Variants in GTF3C2 observed in about 807,000 individuals in gnomAD.
GTF3C2 encodes the protein general transcription factor 3C polypeptide 2.
GTF3C2 carries 17 observed loss-of-function variants against 117.4 expected under a neutral mutation model. The observed-to-expected ratio is 0.14, with a 90% confidence interval of 0.10 to 0.22. GTF3C2 has a LOEUF of 0.22. Among genes scored for constraint, GTF3C2 ranks in the 10% least tolerant of loss-of-function variants. The pLI is 1.00. For synonymous variants in GTF3C2, 437 were observed against 427.0 expected (o/e 1.02, Z -0.29); for missense variants, 888 against 1,143.6 (o/e 0.78, Z 3.22).
chr2:27,327,972 C>T (rs1414574314), intron 17 of GTF3C2, 65 bp downstream of exon 17: 10 of 1,373,628 alleles, frequency 7.3e-6, no homozygotes, highest in Non-Finnish European at 1.0e-5. Context: ...GGCTTGCGTA[C>T]TATACAAAGA....
At chr2:27,355,822 AT>A (rs1681353746) in intron 1 of GTF3C2, among the ~76,000 whole-genome samples, 1 of 152,202 alleles carries the variant, frequency 6.6e-6, no homozygotes, top group South Asian at 2.1e-4. Flanking sequence ...ATGCAAGATG[AT>A]TTTAATGGTA....
chr2:27,342,016 G>C (rs1680752365), exon 4 of GTF3C2: 1 of 1,613,974 alleles, frequency 6.2e-7, no homozygotes, highest in Non-Finnish European at 8.5e-7. Flanking sequence ...CTCTCACTTG[G>C]GCCCTCACTT....
At chr2:27,333,035 T>C (rs1313011996) in intron 12 of GTF3C2, among the ~76,000 whole-genome samples, 1 of 152,056 alleles carries the variant, frequency 6.6e-6, no homozygotes, top group Non-Finnish European at 1.5e-5. Context: ...TTTTTAATGA[T>C]GAGGTCTCAC....
In GTF3C2 at chr2:27,337,910, T is replaced by A; in HGVS notation, c.950+16A>T. On this transcript the variant is annotated intron_variant, in intron 5 of 18. Transcript: ENST00000264720. ...CACCCCTTTATTAACCCCAGCCCCC[T>A]GTCCCCAAGTCTCACAAGTCCTTGG... The A allele has an allele frequency of 6.8e-7, 1 of 1,477,020 alleles. No homozygotes were observed. The highest frequency in any genetic ancestry group is 9.5e-7 in the Non-Finnish European group (1 of 1,054,676). The allele number at this position is 1,477,020 out of a possible 1,614,324, so 91.5% of individuals were successfully genotyped here. A position where few individuals can be genotyped will look rare whatever the true frequency, so the allele number is the denominator to read the frequency against.
chr2:27,341,571 T>G (rs1680731645), intron 4 of GTF3C2: 1 of 181,700 alleles, frequency 5.5e-6, no homozygotes, highest in Non-Finnish European at 1.2e-5. Context: ...CAAGAAGCAA[T>G]TCAACTATCA....
chr2:27,356,072 G>C (rs557692518), intron 1 of GTF3C2: 1 of 1,284,566 alleles, frequency 7.8e-7, no homozygotes, highest in East Asian at 5.6e-5. Flanking sequence ...CTGGAACAAA[G>C]AGGTTTGTCC....
At chr2:27,353,371 G>A (rs1241733844) in intron 1 of GTF3C2, among the ~76,000 whole-genome samples, 3 of 133,528 alleles carry the variant, frequency 2.2e-5, no homozygotes, top group African/African-American at 5.9e-5. Flanking sequence ...GACAGAGCTA[G>A]ACTCCGTCTC....
At position 27,350,482 on chromosome 2, in the gene GTF3C2, CTT is replaced by C. The variant is rs924049821; in HGVS notation, c.-25+6255_-25+6256del. 5.7e-5 allele frequency: 56 copies of C among 985,584 alleles called. No homozygotes were observed. The African/African-American group carries it at 8.9e-4, about 16-fold the overall frequency. 61.1% of individuals were successfully genotyped at this position (985,584 alleles called of 1,614,324 possible). ...GTGCTTATCAAACTGGGAAGGTGCT[CTT>C]ATTTACAGCTGCTGGCTCAAGAATC... is the stretch of plus-strand genomic sequence containing the variant. On this transcript the variant is annotated intron_variant, in intron 1 of 18. Coordinates refer to ENST00000264720, the Ensembl canonical transcript of GTF3C2.
intron 12 of GTF3C2, among the ~76,000 whole-genome samples, chr2:27,332,576 G>C (rs1207757620): frequency 2.5e-4 from 38 of 151,438 alleles, no homozygotes; most frequent in Non-Finnish European, 1.5e-5. Flanking sequence ...CACCACGCCC[G>C]GGGAATTTTT....
In GTF3C2 at chr2:27,337,463, G is replaced by T; in HGVS notation, c.1028+18C>A. ...GGTGTCACCCTTCCTAAGCTACAGA[G>T]ATGTTGCTTCAACTTACAGCTCAGA... On this transcript the variant is annotated intron_variant, in intron 6 of 18. Transcript: ENST00000264720. 1 of 1,567,854 alleles carries T rather than the reference G, an allele frequency of 6.4e-7. No homozygotes were observed. Among genetic ancestry groups the T allele is most frequent in the Non-Finnish European group, 8.8e-7 (1 of 1,137,774 alleles).
At chr2:27,348,798 G>A (rs917717315) in intron 1 of GTF3C2, among the ~76,000 whole-genome samples, 9 of 152,028 alleles carry the variant, frequency 5.9e-5, no homozygotes, top group Non-Finnish European at 1.2e-4. Context: ...TATCTCAAAA[G>A]AAAAAATAAT....
chr2:27,355,281 A>G (rs995392017), intron 1 of GTF3C2, among the ~76,000 whole-genome samples: 3 of 152,046 alleles, frequency 2.0e-5, no homozygotes, highest in African/African-American at 4.8e-5. Flanking sequence ...CCAGCACTTT[A>G]GGAGGCCGAG....
exon 2 of GTF3C2, chr2:27,343,479 G>C (rs772745624): frequency 5.0e-6 from 8 of 1,613,962 alleles, no homozygotes; most frequent in Non-Finnish European, 6.8e-6. Flanking sequence ...TCTTGTCCAG[G>C]AGAGTCTACC....
intron 1 of GTF3C2, among the ~76,000 whole-genome samples, chr2:27,349,306 C>A (rs1205516848): frequency 6.6e-6 from 1 of 151,658 alleles, no homozygotes; most frequent in East Asian, 1.9e-4. Flanking sequence ...CGCCATCATG[C>A]CCGGCTAATT....
At chr2:27,355,376 C>A (rs530067508) in intron 1 of GTF3C2, among the ~76,000 whole-genome samples, 3 of 152,048 alleles carry the variant, frequency 2.0e-5, no homozygotes, top group Non-Finnish European at 4.4e-5. Flanking sequence ...CAAAAGTAGC[C>A]GGGCATGGTG....
intron 11 of GTF3C2, 87 bp downstream of exon 11, chr2:27,333,887 G>T (rs906244800): frequency 6.9e-7 from 1 of 1,457,928 alleles, no homozygotes; most frequent in South Asian, 1.1e-5. Context: ...GTATTTTTCA[G>T]AAGTATAAGG....
At chr2:27,335,449 C>T (rs1229934317) in intron 10 of GTF3C2, 149 bp downstream of exon 10, 9 of 714,932 alleles carry the variant, frequency 1.3e-5, no homozygotes, top group Non-Finnish European at 2.1e-5. Context: ...CAAGAACAAA[C>T]CTGAGTCACA....
At chr2:27,338,366 G>C (rs1572572504) in intron 4 of GTF3C2, 1 of 275,134 alleles carries the variant, frequency 3.6e-6, no homozygotes, top group Admixed American at 4.9e-5. Flanking sequence ...TCCTTCACAG[G>C]TTCTCCCTTC....
At chr2:27,354,493 ACT>A (rs973795529) in intron 1 of GTF3C2, among the ~76,000 whole-genome samples, 1 of 152,288 alleles carries the variant, frequency 6.6e-6, no homozygotes, top group African/African-American at 2.4e-5. Flanking sequence ...AAGTGCTGTG[ACT>A]CACGCCTGTA....
Sources: gnomAD v4.1 joint callset for allele counts (sites outside exome capture counted in the v4.1 genomes callset) on GRCh38, gnomAD v4.1.1 for gene constraint, MANE v1.5 for transcripts, NCBI Gene and HGNC (gene_info 2026-07-23, HGNC 2026-07-21) for gene names.